HGSNAT: variants seen among roughly 807,000 people sequenced by gnomAD.
HGSNAT encodes the protein transmembrane protein 76.
A neutral mutation model predicts 85.2 loss-of-function variants in HGSNAT; 59 were observed. The observed-to-expected ratio is 0.69, with a 90% CI of 0.56 to 0.86. The LOEUF (loss-of-function observed/expected upper bound fraction) is 0.86, where lower values mean the gene tolerates loss of function less well. Ranked by LOEUF, HGSNAT falls within the 40% of genes least tolerant of loss-of-function variation. HGSNAT has a pLI of 0.00. For synonymous variants in HGSNAT, 321 were observed against 304.5 expected (o/e 1.05, Z -0.56); for missense variants, 756 against 777.1 (o/e 0.97, Z 0.32).
chr8:43,158,005 CTT>C (rs975741423), intron 2 of HGSNAT, among the ~76,000 whole-genome samples: 22 of 152,050 alleles, frequency 1.4e-4, no homozygotes, highest in Admixed American at 3.3e-4. Flanking sequence ...TTATGCAAGA[CTT>C]AATGCAAGAC....
chr8:43,147,189 A>G (rs1224548006), intron 2 of HGSNAT, 126 bp downstream of exon 2: 14 of 596,774 alleles, frequency 2.3e-5, no homozygotes, highest in Non-Finnish European at 4.0e-5. Flanking sequence ...CAAAGAAGCT[A>G]TATAAAGAGT....
intron 14 of HGSNAT, among the ~76,000 whole-genome samples, chr8:43,195,492 A>G (rs4737088): frequency 0.87 from 130,439 of 150,008 alleles, 57,560 homozygotes; most frequent in Non-Finnish European, 0.96. Context: ...GGAGGAGGAG[A>G]AGGAAGAGGA....
intron 1 of HGSNAT, among the ~76,000 whole-genome samples, chr8:43,142,460 T>G (rs919845718): frequency 1.3e-5 from 2 of 152,100 alleles, no homozygotes; most frequent in African/African-American, 4.8e-5. Flanking sequence ...CTGTAAGTGA[T>G]ACAGACTGTT....
intron 8 of HGSNAT, 96 bp from the exon 9 acceptor site, chr8:43,173,617 T>C: frequency 7.4e-7 from 1 of 1,357,980 alleles, no homozygotes; most frequent in Non-Finnish European, 1.0e-6. Context: ...CCCCTGGGTT[T>C]ACTTTCTATA....
intron 2 of HGSNAT, among the ~76,000 whole-genome samples, chr8:43,157,660 C>T (rs1407686484): frequency 6.6e-6 from 1 of 152,054 alleles, no homozygotes; most frequent in East Asian, 1.9e-4. Flanking sequence ...TGCCTGTGGT[C>T]CCAGCTACTT....
At chr8:43,183,206 AC>A (rs1804192432) in intron 11 of HGSNAT, among the ~76,000 whole-genome samples, 1 of 152,122 alleles carries the variant, frequency 6.6e-6, no homozygotes, top group African/African-American at 2.4e-5. Flanking sequence ...TCACTCTGTT[AC>A]CCAGGCTGGA....
chr8:43,169,133 C>T (rs1374921404), intron 5 of HGSNAT, 40 bp from the exon 6 acceptor site: 7 of 1,251,494 alleles, frequency 5.6e-6, no homozygotes, highest in South Asian at 1.5e-5. Context: ...AAAATTCTGC[C>T]AATGAAAATA....
In HGSNAT at chr8:43,192,260, C is replaced by T. The variant is rs149553556; in HGVS notation, c.1251-44C>T. On this transcript the variant is annotated intron_variant, in intron 12 of 17. Coordinates refer to ENST00000379644, the MANE Select transcript of HGSNAT (RefSeq NM_152419.3). ...TTTTTATTCTTGTCCCTCTGTTCGCCCTTATGAGGTCTTGTCATTTACATA... is the reference window on the plus strand; with the variant it reads ...TTTTTATTCTTGTCCCTCTGTTCGCTCTTATGAGGTCTTGTCATTTACATA... 158 of 1,575,534 alleles carry T rather than the reference C, an allele frequency of 1.0e-4. 2 individuals are homozygous for T. In the East Asian group the frequency reaches 3.5e-3, roughly 35 times the overall value.
At chr8:43,172,758 T>A (rs977783715) in intron 8 of HGSNAT, among the ~76,000 whole-genome samples, 1 of 152,224 alleles carries the variant, frequency 6.6e-6, no homozygotes, top group African/African-American at 2.4e-5. Flanking sequence ...TTCTAGGACT[T>A]ATGGTCCTTT....
At chr8:43,182,475 G>T in intron 11 of HGSNAT, 1 of 583,540 alleles carries the variant, frequency 1.7e-6, no homozygotes, top group Middle Eastern at 4.6e-4. Flanking sequence ...ACAGGGTCTT[G>T]CTGTGTTGCC....
At chr8:43,165,935 CAAAAAGAAA>C (rs575800707) in intron 5 of HGSNAT, among the ~76,000 whole-genome samples, 165 of 151,578 alleles carry the variant, frequency 1.1e-3, no homozygotes, top group Non-Finnish European at 2.0e-3. Flanking sequence ...GACTCTGTCT[CAAAAAGAAA>C]AAAAAGAAAA....
chr8:43,146,807 G>A lies in HGSNAT; in HGVS notation c.119-141G>A, dbSNP rs1357260503. The A allele has an allele frequency of 1.3e-5, 8 of 594,162 alleles. No homozygotes were observed. The South Asian group carries it at 1.7e-4, about 13-fold the overall frequency. The allele number at this position is 594,162 out of a possible 1,614,324, so 36.8% of individuals were successfully genotyped here. A position where few individuals can be genotyped will look rare whatever the true frequency, so the allele number is the denominator to read the frequency against. Reference sequence around the variant, plus strand: ...TATCTGCGCATACACAAAGTAATGTGTGAGAGACCCCAGAAATCCCAGAGT... The same window carrying A: ...TATCTGCGCATACACAAAGTAATGTATGAGAGACCCCAGAAATCCCAGAGT... On this transcript the variant is annotated intron_variant, in intron 1 of 17. Coordinates refer to ENST00000379644, the MANE Select transcript of HGSNAT (RefSeq NM_152419.3).
chr8:43,172,331 C>T lies in HGSNAT; in HGVS notation c.765C>T (p.Val255=), dbSNP rs137963729. The part of the protein sequence containing the change: ...TFRGIALILM[V]FVNYGGGKYW... Reference sequence around the variant, plus strand: ...CTAGGATTGCTCTTATACTCATGGTCTTTGTCAATTATGGAGGAGGAAAAT... The same window carrying T: ...CTAGGATTGCTCTTATACTCATGGTTTTTGTCAATTATGGAGGAGGAAAAT... Residue 255 remains valine (V), a synonymous_variant, in exon 8 of 18, where the codon GTC becomes GTT. Transcript: ENST00000379644. 153 of 1,611,996 alleles carry T rather than the reference C, an allele frequency of 9.5e-5. 1 individual carries two copies. In the African/African-American group the frequency reaches 1.6e-3, roughly 16 times the overall value.
In HGSNAT at chr8:43,199,255, A is replaced by G; in HGVS notation, c.1727-133A>G. The G allele has an allele frequency of 6.4e-6, 4 of 623,566 alleles. No individual in the cohort carries two copies. The South Asian group carries it at 6.8e-5, about 11-fold the overall frequency. The allele number at this position is 623,566 out of a possible 1,614,324, so 38.6% of individuals were successfully genotyped here. ...TAAATACCTAAGATATGCATTACTT[A>G]TTTTTGGCAGTAGCCAACAATGGAA... On this transcript the variant is annotated intron_variant, in intron 17 of 17. Transcript: ENST00000379644.
intron 11 of HGSNAT, 156 bp downstream of exon 11, chr8:43,182,416 G>A: frequency 2.8e-6 from 2 of 716,332 alleles, no homozygotes; most frequent in Middle Eastern, 3.7e-4. Flanking sequence ...GGGATTACAG[G>A]TGTGAGCCAC....
At chr8:43,180,203 C>G (rs1189009920) in intron 10 of HGSNAT, 6 of 105,072 alleles carry the variant, frequency 5.7e-5, no homozygotes, top group East Asian at 6.3e-4. Context: ...CCCCTCACCT[C>G]CCGGACGGGG....
chr8:43,141,649 A>C (rs921162647), intron 1 of HGSNAT, among the ~76,000 whole-genome samples: 2 of 151,440 alleles, frequency 1.3e-5, no homozygotes, highest in Admixed American at 6.6e-5. Flanking sequence ...GTGTCTGTGT[A>C]TGGAGTTCAA....
At chr8:43,149,034 T>A (rs1407500485) in intron 2 of HGSNAT, among the ~76,000 whole-genome samples, 1 of 151,608 alleles carries the variant, frequency 6.6e-6, no homozygotes, top group Non-Finnish European at 1.5e-5. Context: ...GAGAATCGTT[T>A]AACCCCGGGA....
intron 4 of HGSNAT, among the ~76,000 whole-genome samples, chr8:43,159,596 T>A (rs1287547145): frequency 6.6e-6 from 1 of 152,106 alleles, no homozygotes; most frequent in African/African-American, 2.4e-5. Context: ...TCAAAAAAAA[T>A]TATATGATAT....
Sources: gnomAD v4.1 joint callset for allele counts (sites outside exome capture counted in the v4.1 genomes callset) on GRCh38, gnomAD v4.1.1 for gene constraint, MANE v1.5 for transcripts, NCBI Gene and HGNC (gene_info 2026-07-23, HGNC 2026-07-21) for gene names.